Variants in CD2AP observed in about 807,000 individuals in gnomAD.
The protein encoded by CD2AP is CD2-associated protein.
Under a neutral mutation model 85.1 loss-of-function variants are expected in CD2AP, and 46 were observed. The observed-to-expected ratio is 0.54, with a 90% CI of 0.43 to 0.69. CD2AP has a LOEUF of 0.69. Among genes scored for constraint, CD2AP ranks in the 30% least tolerant of loss-of-function variants. The pLI is 0.00. For missense variants in CD2AP, 769 were observed against 729.5 expected (o/e 1.05, Z -0.62); for synonymous variants, 255 against 252.9 (o/e 1.01, Z -0.08).
intron 4 of CD2AP, 44 bp downstream of exon 4, chr6:47,544,750 A>T: frequency 9.0e-7 from 1 of 1,114,746 alleles, no homozygotes; most frequent in Non-Finnish European, 1.4e-6. Context: ...ATGGTAATTG[A>T]TGCTATGGAT....
Position 47,602,911 on chromosome 6 carries a change from A to C in CD2AP, c.1418-3254A>C, listed in dbSNP as rs573205891. Among the ~76,000 whole-genome samples, 8 of 151,962 alleles carry C rather than the reference A, an allele frequency of 5.3e-5. 1 individual carries two copies. In the South Asian group the frequency reaches 1.0e-3, roughly 20 times the overall value. On this transcript the variant is annotated intron_variant, in intron 13 of 17. Transcript: ENST00000359314. ...TGAGACCCTGTCTCAAAAATAAACA[A>C]AAAAAAAGCAATTTTAAAGAAACAC...
intron 1 of CD2AP, among the ~76,000 whole-genome samples, chr6:47,479,971 T>C (rs1765404682): frequency 6.6e-6 from 1 of 152,106 alleles, no homozygotes; most frequent in Non-Finnish European, 1.5e-5. Flanking sequence ...TTACTTAGTG[T>C]GTGAGGTCGT....
At chr6:47,515,018 C>T (rs1766417403) in intron 2 of CD2AP, among the ~76,000 whole-genome samples, 1 of 151,038 alleles carries the variant, frequency 6.6e-6, no homozygotes, top group South Asian at 2.1e-4. Context: ...CTCCACTGCA[C>T]TCCAGCCTGG....
chr6:47,524,049 A>G (rs576885629), intron 2 of CD2AP, among the ~76,000 whole-genome samples: 5 of 152,316 alleles, frequency 3.3e-5, no homozygotes, highest in Admixed American at 3.3e-4. Flanking sequence ...CCTTTTACAT[A>G]CTATTCTTCA....
intron 4 of CD2AP, among the ~76,000 whole-genome samples, chr6:47,552,970 A>G (rs982923854): frequency 6.1e-5 from 9 of 147,266 alleles, no homozygotes; most frequent in Non-Finnish European, 1.2e-4. Context: ...TGTTTTTGTC[A>G]TTTCCTTTTG....
intron 5 of CD2AP, among the ~76,000 whole-genome samples, chr6:47,559,077 A>T (rs901097913): frequency 6.6e-6 from 1 of 152,062 alleles, no homozygotes; most frequent in Non-Finnish European, 1.5e-5. Context: ...CCAGGAATTT[A>T]TCCATTTCTT....
chr6:47,565,884 TAG>T (rs1227112123), intron 5 of CD2AP, among the ~76,000 whole-genome samples: 1 of 152,200 alleles, frequency 6.6e-6, no homozygotes, highest in Non-Finnish European at 1.5e-5. Context: ...GCATTTCACT[TAG>T]ACTAAAAGCC....
At chr6:47,606,777 C>T (rs1045109830) in intron 14 of CD2AP, among the ~76,000 whole-genome samples, 10 of 151,910 alleles carry the variant, frequency 6.6e-5, no homozygotes, top group East Asian at 5.8e-4. Context: ...AGGGTAAATG[C>T]GGTATCCATC....
chr6:47,621,822 T>G (rs1388017659), intron 17 of CD2AP, among the ~76,000 whole-genome samples: 1 of 152,228 alleles, frequency 6.6e-6, no homozygotes, highest in Non-Finnish European at 1.5e-5. Context: ...TTTTCTAGTT[T>G]ATGTGCATAA....
At chr6:47,615,793 A>G (rs1376048636) in intron 17 of CD2AP, among the ~76,000 whole-genome samples, 1 of 11,914 alleles carries the variant, frequency 8.4e-5, no homozygotes, top group African/African-American at 2.1e-4. Context: ...ATTTAATTTA[A>G]TTTATTTATT....
At chr6:47,479,038 T>G (rs1392834859) in intron 1 of CD2AP, among the ~76,000 whole-genome samples, 2 of 152,206 alleles carry the variant, frequency 1.3e-5, no homozygotes, top group Non-Finnish European at 2.9e-5. Flanking sequence ...TGTTAAGTGG[T>G]GTAACAATTT....
chr6:47,617,408 T>C (rs1311624129), intron 17 of CD2AP, among the ~76,000 whole-genome samples: 1 of 152,178 alleles, frequency 6.6e-6, no homozygotes, highest in Non-Finnish European at 1.5e-5. Flanking sequence ...TAAATCAAAT[T>C]CGTATTTTCC....
chr6:47,519,512 C>T (rs1349317673), intron 2 of CD2AP, among the ~76,000 whole-genome samples: 1 of 152,210 alleles, frequency 6.6e-6, no homozygotes, highest in East Asian at 1.9e-4. Context: ...TATATCCACA[C>T]AAGTACCTGT....
At chr6:47,561,659 A>G (rs1475657134) in intron 5 of CD2AP, among the ~76,000 whole-genome samples, 2 of 152,184 alleles carry the variant, frequency 1.3e-5, no homozygotes, top group Non-Finnish European at 2.9e-5. Flanking sequence ...CATCTTTACT[A>G]GTACCTCTAA....
chr6:47,562,678 G>A (rs1417394827), intron 5 of CD2AP: 1 of 604,448 alleles, frequency 1.7e-6, no homozygotes, highest in Non-Finnish European at 3.1e-6. Flanking sequence ...CTGCTTTATG[G>A]GAGGTTCAGA....
chr6:47,478,080 G>A lies in CD2AP; in HGVS notation c.-165G>A. The A allele has an allele frequency of 1.2e-6, 1 of 868,840 alleles. No homozygotes were observed. Among genetic ancestry groups the A allele is most frequent in the Non-Finnish European group, 1.8e-6 (1 of 546,370 alleles). 53.8% of individuals were successfully genotyped at this position (868,840 alleles called of 1,614,324 possible). On this transcript the variant is annotated 5_prime_UTR_variant, in exon 1 of 18. Transcript: ENST00000359314. ...GGCCGCGCTGAAGAGACTGGTAGGA[G>A]AGCGCCGCGGGCGGATGGAGGCGAC...
intron 15 of CD2AP, among the ~76,000 whole-genome samples, 170 bp downstream of exon 15, chr6:47,608,198 A>G (rs1028703940): frequency 6.6e-6 from 1 of 152,188 alleles, no homozygotes; most frequent in African/African-American, 2.4e-5. Flanking sequence ...TTTTCTGCAA[A>G]TGTTTTTGAA....
Position 47,599,337 on chromosome 6 carries a change from T to C in CD2AP, c.1311T>C (p.Phe437=). The C allele has an allele frequency of 6.2e-7, 1 of 1,612,370 alleles. No individual in the cohort carries two copies. Among genetic ancestry groups the C allele is most frequent in the Non-Finnish European group, 8.5e-7 (1 of 1,178,878 alleles). ...AAGTTTCTAGCATTTCATCAAAATT[T>C]GAAACTGAGCCAGTATCAAAACTAA... is the stretch of plus-strand genomic sequence containing the variant. ...NGEVSSISSK[F]ETEPVSKLKL... Residue 437 remains phenylalanine (F), a synonymous_variant, in exon 13 of 18, where the codon TTT becomes TTC. Transcript: ENST00000359314.
Position 47,554,786 on chromosome 6 carries a change from T to TA in CD2AP, c.541+20_541+21insA. 1 of 1,574,752 alleles carries TA rather than the reference T, an allele frequency of 6.4e-7. No individual in the cohort carries two copies. Among genetic ancestry groups the TA allele is most frequent in the Non-Finnish European group, 8.6e-7 (1 of 1,157,348 alleles). Reference sequence around the variant, plus strand: ...ATTCAGGTAGACTATTTTTTAAAATTTTTAATTGATTTAAATAAACTTTAT... The same window carrying TA: ...ATTCAGGTAGACTATTTTTTAAAATTATTTAATTGATTTAAATAAACTTTAT... On this transcript the variant is annotated intron_variant, in intron 5 of 17. Coordinates refer to ENST00000359314, the MANE Select transcript of CD2AP (RefSeq NM_012120.3).
Sources: gnomAD v4.1 joint callset for allele counts (sites outside exome capture counted in the v4.1 genomes callset) on GRCh38, gnomAD v4.1.1 for gene constraint, MANE v1.5 for transcripts, NCBI Gene and HGNC (gene_info 2026-07-23, HGNC 2026-07-21) for gene names.